EPN2: variants seen among roughly 807,000 people sequenced by gnomAD.
EPN2 encodes epsin-2.
In EPN2, 34 loss-of-function variants were observed where a neutral mutation model predicts 61.7. The ratio of observed to expected loss-of-function variants is 0.55; its 90% CI spans 0.42 to 0.73. The LOEUF (loss-of-function observed/expected upper bound fraction) is 0.73, where lower values mean the gene tolerates loss of function less well. Ranked by LOEUF, EPN2 falls within the 30% of genes least tolerant of loss-of-function variation. The pLI is 0.00. For missense variants in EPN2, 714 were observed against 839.2 expected (o/e 0.85, Z 1.84); for synonymous variants, 349 against 353.6 (o/e 0.99, Z 0.15).
intron 4 of EPN2, among the ~76,000 whole-genome samples, chr17:19,309,004 C>CTGCATGTG (rs60619100): frequency 0.97 from 147,127 of 152,088 alleles, 71,428 homozygotes; most frequent in African/African-American, 0.99. Flanking sequence ...GCAAAAGTGT[C>CTGCATGTG]TGCATTTTTA....
chr17:19,304,061 C>T (rs1195284229), intron 4 of EPN2: 1 of 152,088 alleles, frequency 6.6e-6, no homozygotes. Flanking sequence ...TGAGACCACT[C>T]CATTGCACTC....
rs767350047 is a variant in EPN2 at position 19,283,390 on chromosome 17, C to T, written c.271C>T (p.Arg91Cys). 22 of 1,614,054 alleles carry T rather than the reference C, an allele frequency of 1.4e-5. No individual in the cohort carries two copies. The highest frequency in any genetic ancestry group is 1.8e-5 in the Non-Finnish European group (21 of 1,180,036). ...CTACCTCATCAAGACAGGCTCCGAA[C>T]GTGTGGCCCAGCAGTGCCGGGAGAA... ...LDYLIKTGSE[R>C]VAQQCRENIF... The change falls in exon 3 of 11, where the codon CGT (arginine) becomes TGT (cysteine). Residue 91 changes from arginine to cysteine, a missense_variant. By Grantham distance (180) the Arg-to-Cys change is radical. This residue lies in a region of EPN2 where 304 missense variants were observed against 417.4 expected (regional missense o/e 0.73). Coordinates refer to ENST00000314728, the MANE Select transcript of EPN2 (RefSeq NM_014964.5). This position sits in a 1 kb window ranked among gnomAD's most constrained non-coding sequence, Gnocchi z 7.0.
chr17:19,304,434 C>T (rs940039563), intron 4 of EPN2, among the ~76,000 whole-genome samples: 8 of 152,218 alleles, frequency 5.3e-5, no homozygotes, highest in African/African-American at 1.9e-4. Flanking sequence ...GGCTCCCTAG[C>T]CCCTCCCTCG....
chr17:19,306,627 A>G (rs1465885526), intron 4 of EPN2, among the ~76,000 whole-genome samples: 1 of 152,234 alleles, frequency 6.6e-6, no homozygotes, highest in Admixed American at 6.5e-5. Flanking sequence ...CAGATGTGCT[A>G]GAAAGCTCAG....
At position 19,335,617 on chromosome 17, in the gene EPN2, G is replaced by A; in HGVS notation, c.*1363G>A. ...GGCAACAGTCCCTAGGCTAAGACAG[G>A]GGTGGGGGGCTAAGGGACCAGGGCT... On this transcript the variant is annotated 3_prime_UTR_variant, in exon 11 of 11. Coordinates refer to ENST00000314728, the MANE Select transcript of EPN2 (RefSeq NM_014964.5). The A allele has an allele frequency of 1.6e-6, 1 of 624,626 alleles. No individual in the cohort carries two copies. Among genetic ancestry groups the A allele is most frequent in the East Asian group, 3.1e-5 (1 of 32,480 alleles). The allele number at this position is 624,626 out of a possible 1,614,324, so 38.7% of individuals were successfully genotyped here.
chr17:19,277,444 G>A (rs888967694), intron 1 of EPN2, among the ~76,000 whole-genome samples: 13 of 151,532 alleles, frequency 8.6e-5, no homozygotes, highest in Non-Finnish European at 1.8e-4. Flanking sequence ...AGGATTTGCC[G>A]TGGAGGGTGG....
intron 1 of EPN2, among the ~76,000 whole-genome samples, chr17:19,280,330 G>A (rs1167964051): frequency 6.6e-6 from 1 of 152,226 alleles, no homozygotes; most frequent in African/African-American, 2.4e-5. Flanking sequence ...TTTAAGCTGG[G>A]AAATATTCAT....
chr17:19,256,752 C>T (rs752447566), intron 1 of EPN2, among the ~76,000 whole-genome samples: 7 of 152,138 alleles, frequency 4.6e-5, no homozygotes, highest in Non-Finnish European at 8.8e-5. Context: ...GTCCATGGGC[C>T]TGTCTAATGG....
At chr17:19,286,277 A>AT (rs947916730) in intron 4 of EPN2, among the ~76,000 whole-genome samples, 79 of 140,762 alleles carry the variant, frequency 5.6e-4, no homozygotes, top group Admixed American at 1.0e-3. Context: ...ATAAAATGGG[A>AT]TTTTTTTTTT....
At chr17:19,250,340 C>T (rs779337684) in intron 1 of EPN2, among the ~76,000 whole-genome samples, 2 of 152,148 alleles carry the variant, frequency 1.3e-5, no homozygotes, top group Non-Finnish European at 2.9e-5. Flanking sequence ...AAGTGATCCG[C>T]CTGTATCAGC....
chr17:19,333,545 G>T (rs985102034), intron 10 of EPN2, among the ~76,000 whole-genome samples: 1 of 152,238 alleles, frequency 6.6e-6, no homozygotes, highest in African/African-American at 2.4e-5. Context: ...TGGATCCCTG[G>T]GTGCATTGTG....
intron 1 of EPN2, among the ~76,000 whole-genome samples, chr17:19,242,403 A>G (rs2044894615): frequency 6.6e-6 from 1 of 152,242 alleles, no homozygotes; most frequent in Admixed American, 6.5e-5. Flanking sequence ...AGCCTGGGTG[A>G]CAGAGCAAGA....
intron 7 of EPN2, among the ~76,000 whole-genome samples, chr17:19,316,546 C>T (rs1195009866): frequency 6.6e-6 from 1 of 152,238 alleles, no homozygotes; most frequent in Non-Finnish European, 1.5e-5. Context: ...CTGGAAAAGT[C>T]ACCACAAATT....
chr17:19,238,305 G>T (rs192842479), intron 1 of EPN2, among the ~76,000 whole-genome samples: 1 of 152,370 alleles, frequency 6.6e-6, no homozygotes, highest in Admixed American at 6.5e-5. Flanking sequence ...TCCCTGTGGG[G>T]CGGCTCCCCT....
At chr17:19,246,482 A>T (rs1206126469) in intron 1 of EPN2, among the ~76,000 whole-genome samples, 1 of 152,070 alleles carries the variant, frequency 6.6e-6, no homozygotes, top group Non-Finnish European at 1.5e-5. Context: ...CTGGGGTGTG[A>T]GCATTTTCCC....
At chr17:19,314,053 GTC>G (rs1431062369) in intron 7 of EPN2, among the ~76,000 whole-genome samples, 1 of 152,152 alleles carries the variant, frequency 6.6e-6, no homozygotes, top group Non-Finnish European at 1.5e-5. Flanking sequence ...ATCTCCTGGA[GTC>G]TCTGTTTCTC....
At position 19,243,384 on chromosome 17, in the gene EPN2, ATTTTTTTTTTTT is replaced by A. The variant is rs1013094131; in HGVS notation, c.-294+5870_-294+5881del. ...AGGTGTGTGCTACCATGCCTGGCTA[ATTTTTTTTTTTT>A]TTTTTTTTTTTTTTTTGAGACGGAG... On this transcript the variant is annotated intron_variant, in intron 1 of 10. Transcript: ENST00000314728. Among the ~76,000 whole-genome samples the A allele has an allele frequency of 1.9e-4, 15 of 77,266 alleles. No homozygotes were observed. The South Asian group carries it at 5.8e-3, about 30-fold the overall frequency. 50.7% of individuals were successfully genotyped at this position (77,266 alleles called of 152,430 possible). A position where few individuals can be genotyped will look rare whatever the true frequency, so the allele number is the denominator to read the frequency against.
At chr17:19,282,399 A>G (rs978238700) in intron 2 of EPN2, 1 of 152,216 alleles carries the variant, frequency 6.6e-6, no homozygotes, top group Admixed American at 6.5e-5. Flanking sequence ...GAAGGTATTG[A>G]CAGGCATTTT....
At chr17:19,284,763 C>A (rs1662570268) in intron 3 of EPN2, among the ~76,000 whole-genome samples, 1 of 152,194 alleles carries the variant, frequency 6.6e-6, no homozygotes, top group Admixed American at 6.5e-5. Flanking sequence ...ATTGTACCGC[C>A]ACCACTAGCA....
Sources: gnomAD v4.1 joint callset for allele counts (sites outside exome capture counted in the v4.1 genomes callset) on GRCh38, gnomAD v4.1.1 for gene constraint, gnomAD v4.1.1 regional missense constraint, Gnocchi (gnomAD v3.1) non-coding constraint, MANE v1.5 for transcripts, NCBI Gene and HGNC (gene_info 2026-07-23, HGNC 2026-07-21) for gene names.